TMEFF1: variants seen among roughly 807,000 people sequenced by gnomAD.
TMEFF1 encodes the protein transmembrane protein with EGF like and two follistatin like domains 1, also known as tomoregulin-1.
Under a neutral mutation model 47.5 loss-of-function variants are expected in TMEFF1, and 20 were observed. That is an observed-to-expected ratio of 0.42 (90% CI 0.30 to 0.61). The LOEUF (loss-of-function observed/expected upper bound fraction) is 0.61, where lower values mean the gene tolerates loss of function less well. Ranked by LOEUF, TMEFF1 falls within the 20% of genes least tolerant of loss-of-function variation. The pLI is 0.19. For synonymous variants in TMEFF1, 162 were observed against 166.3 expected (o/e 0.97, Z 0.20); for missense variants, 411 against 471.1 (o/e 0.87, Z 1.18).
chr9:100,528,234 G>A (rs1838304014), intron 5 of TMEFF1, among the ~76,000 whole-genome samples: 1 of 151,268 alleles, frequency 6.6e-6, no homozygotes, highest in Non-Finnish European at 1.5e-5. Context: ...GAACAAAGCT[G>A]GATGGAGAAT....
intron 6 of TMEFF1, among the ~76,000 whole-genome samples, chr9:100,549,393 C>T (rs1200816852): frequency 2.0e-5 from 3 of 152,160 alleles, no homozygotes; most frequent in East Asian, 1.9e-4. Context: ...CCTTTTCCAA[C>T]GTTGGGGATT....
In TMEFF1 at chr9:100,577,512, C is replaced by T. The variant is rs1401673776; in HGVS notation, c.*912C>T. The T allele has an allele frequency of 6.6e-6, 1 of 152,384 alleles. No homozygotes were observed. Among genetic ancestry groups the T allele is most frequent in the Non-Finnish European group, 1.5e-5 (1 of 68,028 alleles). 9.4% of individuals were successfully genotyped at this position (152,384 alleles called of 1,614,324 possible). On this transcript the variant is annotated 3_prime_UTR_variant, in exon 10 of 10. Coordinates refer to ENST00000374879, the MANE Select transcript of TMEFF1 (RefSeq NM_003692.5). ...ATCTGAAGTGTGAGTAGAATGTATT[C>T]AGCTGTTTAACATGTAGTTTAGATA...
chr9:100,540,390 T>A (rs534269008), intron 5 of TMEFF1, among the ~76,000 whole-genome samples: 1 of 152,364 alleles, frequency 6.6e-6, no homozygotes, highest in Admixed American at 6.5e-5. Flanking sequence ...CAATGGCACT[T>A]GCCTCGGGAC....
intron 5 of TMEFF1, among the ~76,000 whole-genome samples, chr9:100,531,770 G>A (rs371568258): frequency 6.9e-4 from 105 of 152,264 alleles, no homozygotes; most frequent in Admixed American, 1.7e-3. Context: ...AAAAGAGCCC[G>A]CATTGCCAAG....
Position 100,516,713 on chromosome 9 carries a change from T to TC in TMEFF1, c.504dup (p.Lys169GlnfsTer8), listed in dbSNP as rs1414474129. ...AGGGGCAGAAGTTCACAGAAAACAC[T>TC]CCAAGTGTGGACCCTGCAAATATAA... On this transcript the variant is annotated frameshift_variant, in exon 5 of 10. Transcript: ENST00000374879. LOFTEE classifies it high-confidence loss of function. The TC allele has an allele frequency of 6.2e-7, 1 of 1,613,646 alleles. No homozygotes were observed. The highest frequency in any genetic ancestry group is 1.3e-5 in the African/African-American group (1 of 74,896).
chr9:100,529,916 A>G (rs1269408290), intron 5 of TMEFF1, among the ~76,000 whole-genome samples: 2 of 152,212 alleles, frequency 1.3e-5, no homozygotes, highest in Non-Finnish European at 2.9e-5. Context: ...GTGCAATCAA[A>G]CTAGAACTCA....
At chr9:100,518,435 A>G in intron 5 of TMEFF1, 4 of 985,454 alleles carry the variant, frequency 4.1e-6, no homozygotes, top group Non-Finnish European at 4.8e-6. Flanking sequence ...AGCTCTAAGC[A>G]TAAGGAAGTG....
chr9:100,550,029 TG>T, intron 6 of TMEFF1, 65 bp from the exon 7 acceptor site: 1 of 1,541,652 alleles, frequency 6.5e-7, no homozygotes, highest in Non-Finnish European at 8.7e-7. Flanking sequence ...TTGGAATTAT[TG>T]GGAGTATCAT....
intron 7 of TMEFF1, among the ~76,000 whole-genome samples, chr9:100,554,448 A>G (rs535813568): frequency 2.0e-5 from 3 of 151,958 alleles, no homozygotes; most frequent in Admixed American, 2.0e-4. Flanking sequence ...ACATCAGGGG[A>G]AAAGGGAAGG....
rs560824974 is a variant in TMEFF1, at chr9:100,523,018, G to A, written c.560+6247G>A. Among the ~76,000 whole-genome samples, 25 of 152,296 alleles carry A rather than the reference G, an allele frequency of 1.6e-4. No homozygotes were observed. In the South Asian group the frequency reaches 2.7e-3, roughly 16 times the overall value. On this transcript the variant is annotated intron_variant, in intron 5 of 9. Coordinates refer to ENST00000374879, the MANE Select transcript of TMEFF1 (RefSeq NM_003692.5). The stretch of plus-strand genomic sequence containing the variant: ...TTCCCAAAGTGCTGGGATTGCAGGC[G>A]TGGGCTACCACGCCCAGCCCAGAAA...
chr9:100,555,776 GT>G (rs2118531807), intron 7 of TMEFF1, among the ~76,000 whole-genome samples: 1 of 152,184 alleles, frequency 6.6e-6, no homozygotes, highest in South Asian at 2.1e-4. Flanking sequence ...TAATATTATG[GT>G]TCATAAGTGA....
intron 6 of TMEFF1, among the ~76,000 whole-genome samples, chr9:100,548,649 C>G (rs545516343): frequency 2.6e-4 from 39 of 152,294 alleles, no homozygotes; most frequent in Middle Eastern, 3.4e-3. Context: ...CCTTCTTCCT[C>G]CCTTTTTAGA....
At chr9:100,575,968 C>G (rs1276198144) in intron 9 of TMEFF1, among the ~76,000 whole-genome samples, 1 of 152,042 alleles carries the variant, frequency 6.6e-6, no homozygotes, top group Non-Finnish European at 1.5e-5. Context: ...GTGGTTTGCC[C>G]CAGGAGGGTG....
chr9:100,539,550 G>A (rs1310515919), intron 5 of TMEFF1, among the ~76,000 whole-genome samples: 3 of 152,078 alleles, frequency 2.0e-5, no homozygotes, highest in Admixed American at 6.6e-5. Flanking sequence ...AAGGCAGCGC[G>A]TCTGGAGTTG....
chr9:100,485,132 T>C (rs986076173), intron 1 of TMEFF1, among the ~76,000 whole-genome samples: 1 of 152,230 alleles, frequency 6.6e-6, no homozygotes, highest in Non-Finnish European at 1.5e-5. Flanking sequence ...TCATTCCTTT[T>C]TTTTGACTGA....
At chr9:100,510,900 T>G (rs1837951996) in intron 3 of TMEFF1, among the ~76,000 whole-genome samples, 1 of 152,170 alleles carries the variant, frequency 6.6e-6, no homozygotes. Context: ...TCATGATTGG[T>G]CTTTCTAGTG....
chr9:100,495,359 G>A (rs1284415307), intron 1 of TMEFF1, among the ~76,000 whole-genome samples: 1 of 151,944 alleles, frequency 6.6e-6, no homozygotes, highest in Non-Finnish European at 1.5e-5. Flanking sequence ...TGATAAAAAA[G>A]CCTTATTAAT....
At chr9:100,574,352 TAAGGTA>T (rs1587862987) in intron 9 of TMEFF1, among the ~76,000 whole-genome samples, 1 of 151,976 alleles carries the variant, frequency 6.6e-6, no homozygotes, top group African/African-American at 2.4e-5. Flanking sequence ...GAAGGAAAAT[TAAGGTA>T]AAGTAAGGGG....
intron 5 of TMEFF1, among the ~76,000 whole-genome samples, chr9:100,529,612 G>A (rs1432513357): frequency 2.6e-5 from 4 of 151,986 alleles, no homozygotes; most frequent in Non-Finnish European, 4.4e-5. Context: ...GTGACCTACA[G>A]AGAGACTTAG....
Sources: allele counts gnomAD v4.1 joint callset (sites outside exome capture counted in the v4.1 genomes callset), GRCh38; gene constraint gnomAD v4.1.1; transcripts MANE v1.5; gene names NCBI Gene and HGNC (gene_info 2026-07-23, HGNC 2026-07-21).